Variants in DNAH3 observed in about 807,000 individuals in gnomAD.
DNAH3 encodes axonemal beta dynein heavy chain 3.
In DNAH3, 332 loss-of-function variants were observed where a neutral mutation model predicts 432.5. The ratio of observed to expected loss-of-function variants is 0.77; its 90% CI spans 0.70 to 0.84. DNAH3 has a LOEUF of 0.84. Ranked by LOEUF, DNAH3 falls within the 40% of genes least tolerant of loss-of-function variation. The probability of loss-of-function intolerance (pLI) is 0.00; values close to 1 mark genes in which losing one functional copy is unlikely to be tolerated. For synonymous variants in DNAH3, 1,956 were observed against 1,900.2 expected (o/e 1.03, Z -0.76); for missense variants, 4,861 against 5,114.0 (o/e 0.95, Z 1.51).
At chr16:20,979,273 G>C in intron 50 of DNAH3, 57 bp downstream of exon 50, 1 of 1,548,906 alleles carries the variant, frequency 6.5e-7, no homozygotes, top group Non-Finnish European at 8.9e-7. Flanking sequence ...CACATGCCTC[G>C]GCACATCCAC....
chr16:21,136,614 C>T (rs2092646424), intron 5 of DNAH3, 101 bp from the exon 7 acceptor site: 5 of 1,048,912 alleles, frequency 4.8e-6, no homozygotes, highest in Non-Finnish European at 7.4e-6. Flanking sequence ...ATACAGCATT[C>T]GTCTGCACCC....
At chr16:20,962,725 T>C (rs1029397284) in intron 53 of DNAH3, among the ~76,000 whole-genome samples, 4 of 152,174 alleles carry the variant, frequency 2.6e-5, no homozygotes, top group Admixed American at 6.5e-5. Flanking sequence ...GGTGTGATCA[T>C]AGCTCACTGC....
intron 49 of DNAH3, among the ~76,000 whole-genome samples, chr16:20,982,041 C>CAT (rs958582794): frequency 2.9e-4 from 43 of 147,942 alleles, no homozygotes; most frequent in Admixed American, 2.0e-3. Context: ...TAATAAAGCA[C>CAT]ATATATATAT....
At chr16:21,107,239 CTTTTTTTT>C (rs5816146) in intron 14 of DNAH3, among the ~76,000 whole-genome samples, 1 of 91,304 alleles carries the variant, frequency 1.1e-5, no homozygotes. Context: ...AATTTTTAAT[CTTTTTTTT>C]TTTTTTTTTT....
exon 7 of DNAH3, chr16:21,134,296 G>A: frequency 1.2e-6 from 2 of 1,613,974 alleles, no homozygotes; most frequent in Non-Finnish European, 1.7e-6. Flanking sequence ...AGCATCATGG[G>A]GTTCACCGTG....
intron 52 of DNAH3, among the ~76,000 whole-genome samples, chr16:20,967,484 G>C (rs1184436138): frequency 1.5e-5 from 2 of 134,584 alleles, no homozygotes; most frequent in East Asian, 4.7e-4. Context: ...GTGGGGCACA[G>C]ACTTCTGCTT....
intron 53 of DNAH3, among the ~76,000 whole-genome samples, chr16:20,960,419 C>T (rs2084765179): frequency 6.6e-6 from 1 of 152,198 alleles, no homozygotes; most frequent in Non-Finnish European, 1.5e-5. Flanking sequence ...GATGTGGTGG[C>T]TCACGCCTGC....
At chr16:21,107,108 G>A (rs976486543) in intron 14 of DNAH3, among the ~76,000 whole-genome samples, 4 of 152,046 alleles carry the variant, frequency 2.6e-5, no homozygotes, top group African/African-American at 7.2e-5. Flanking sequence ...TGACTCCAAA[G>A]CTCATACTCT....
intron 33 of DNAH3, among the ~76,000 whole-genome samples, chr16:21,039,380 A>G (rs2089325256): frequency 6.6e-6 from 1 of 151,858 alleles, no homozygotes; most frequent in Non-Finnish European, 1.5e-5. Flanking sequence ...CACCAAGCCC[A>G]GCTAATTTTT....
At chr16:20,975,173 G>A (rs1190333219) in intron 51 of DNAH3, 60 bp downstream of exon 51, 3 of 1,575,610 alleles carry the variant, frequency 1.9e-6, no homozygotes, top group African/African-American at 2.7e-5. Context: ...TCCGTAAGAT[G>A]GGTATAACCA....
At chr16:20,944,602 T>C in exon 58 of DNAH3, 2 of 1,614,062 alleles carry the variant, frequency 1.2e-6, no homozygotes, top group African/African-American at 1.3e-5. Flanking sequence ...TGCGTTCTCA[T>C]GGAGGCCGAA....
intron 16 of DNAH3, among the ~76,000 whole-genome samples, chr16:21,102,794 T>C (rs2152797495): frequency 6.6e-6 from 1 of 152,094 alleles, no homozygotes; most frequent in South Asian, 2.1e-4. Context: ...AAGTGGTAGA[T>C]ATATAGAGTG....
At chr16:20,969,240 G>A (rs1401769029) in intron 52 of DNAH3, among the ~76,000 whole-genome samples, 1 of 151,456 alleles carries the variant, frequency 6.6e-6, no homozygotes, top group Non-Finnish European at 1.5e-5. Flanking sequence ...ATGGCTCTGT[G>A]TGTGCATGTA....
intron 49 of DNAH3, 94 bp from the exon 50 acceptor site, chr16:20,979,640 A>G (rs973021800): frequency 1.7e-5 from 19 of 1,092,826 alleles, no homozygotes; most frequent in African/African-American, 7.7e-5. Context: ...ATGAGAAGGC[A>G]CATACACTGA....
chr16:21,075,872 C>T (rs1316755655), intron 20 of DNAH3, among the ~76,000 whole-genome samples: 2 of 135,752 alleles, frequency 1.5e-5, no homozygotes, highest in Admixed American at 8.0e-5. Flanking sequence ...ATCGTGATTT[C>T]ACCACTGCAC....
chr16:21,067,802 A>AGAGAGAGAGAGAGAGAGAGAGAGAGAGC (rs367854811), intron 23 of DNAH3, among the ~76,000 whole-genome samples: 1 of 129,928 alleles, frequency 7.7e-6, no homozygotes, highest in Admixed American at 8.7e-5. Flanking sequence ...AGAGAGAGAG[A>AGAGAGAGAGAGAGAGAGAGAGAGAGAGC]CTGACTAAGG....
Position 21,117,354 on chromosome 16 carries a change from C to T in DNAH3, c.1700-37G>A. ...ACAGATTCCACCTGAAGAGTAAACA[C>T]CACTTTTGCATGTTGCAAGACTTAA... is the stretch of plus-strand genomic sequence containing the variant. On this transcript the variant is annotated intron_variant, in intron 11 of 61. Coordinates refer to ENST00000261383, the Ensembl canonical transcript of DNAH3. 1.6e-5 allele frequency: 22 copies of T among 1,416,008 alleles called. No homozygotes were observed. Among genetic ancestry groups the T allele is most frequent in the Non-Finnish European group, 2.2e-5 (22 of 1,005,214 alleles). The allele number at this position is 1,416,008 out of a possible 1,614,324, so 87.7% of individuals were successfully genotyped here.
At chr16:20,963,554 C>T (rs2084917630) in exon 53 of DNAH3, 1 of 1,613,914 alleles carries the variant, frequency 6.2e-7, no homozygotes, top group Non-Finnish European at 8.5e-7. Flanking sequence ...TTCCATTCAC[C>T]CAGGTTCTGT....
intron 20 of DNAH3, among the ~76,000 whole-genome samples, chr16:21,077,071 C>A (rs777605603): frequency 5.9e-5 from 9 of 152,120 alleles, no homozygotes; most frequent in Non-Finnish European, 1.3e-4. Context: ...TGGGAAATGG[C>A]CCCCAGTTGA....
Sources: allele counts gnomAD v4.1 joint callset (sites outside exome capture counted in the v4.1 genomes callset), GRCh38; gene constraint gnomAD v4.1.1; transcripts MANE v1.5; gene names NCBI Gene and HGNC (gene_info 2026-07-23, HGNC 2026-07-21).